Variants in RGS7 observed in about 807,000 individuals in gnomAD.
RGS7 encodes regulator of G-protein signaling 7.
A neutral mutation model predicts 81.1 loss-of-function variants in RGS7; 27 were observed. That is an observed-to-expected ratio of 0.33 (90% confidence interval 0.25 to 0.46). The LOEUF is 0.46. Among genes scored for constraint, RGS7 ranks in the 20% least tolerant of loss-of-function variants. The pLI is 1.00. For synonymous variants in RGS7, 208 were observed against 207.7 expected, an observed-to-expected ratio of 1.00 and a Z score of -0.01; for missense variants, 396 against 607.4, an observed-to-expected ratio of 0.65 and a Z score of 3.66.
chr1:241,124,268 G>A (rs1250658364), intron 2 of RGS7, among the ~76,000 whole-genome samples: 1 of 143,976 alleles, frequency 6.9e-6, no homozygotes, highest in Non-Finnish European at 1.5e-5. Flanking sequence ...AGTGCTGCAC[G>A]CCTATAGTCC....
chr1:240,952,692 T>G (rs1372158022), intron 4 of RGS7, among the ~76,000 whole-genome samples: 1 of 151,922 alleles, frequency 6.6e-6, no homozygotes, highest in Non-Finnish European at 1.5e-5. Context: ...AATCCACATA[T>G]ATCAATAATC....
intron 9 of RGS7, among the ~76,000 whole-genome samples, chr1:240,864,793 A>C (rs894831755): frequency 1.8e-4 from 27 of 152,170 alleles, no homozygotes; most frequent in African/African-American, 6.3e-4. Flanking sequence ...TGGAGGAAAA[A>C]AGAGATGGCT....
At chr1:240,799,250 GGTTTGTGTGTGTGTGT>G (rs1298256209) in intron 18 of RGS7, among the ~76,000 whole-genome samples, 1 of 137,092 alleles carries the variant, frequency 7.3e-6, no homozygotes, top group East Asian at 2.0e-4. Flanking sequence ...TTATTATTAT[GGTTTGTGTGTGTGTGT>G]GTGTGTGTGT....
In RGS7 at chr1:241,068,238, G is replaced by GTGTGTGTA; in HGVS notation, c.175+30427_175+30428insTACACACA. 2.0e-3 allele frequency among the ~76,000 whole-genome samples: 71 copies of GTGTGTGTA among 35,690 alleles called. 5 individuals are homozygous for GTGTGTGTA. The highest frequency in any genetic ancestry group is 4.3e-3 in the South Asian group (3 of 692). The allele number at this position is 35,690 out of a possible 152,430, so 23.4% of individuals were successfully genotyped here. On this transcript the variant is annotated intron_variant, in intron 3 of 18. Coordinates refer to ENST00000440928, the MANE Select transcript of RGS7 (RefSeq NM_001364886.1). ...CTATCCATAAATTGTGTGTGTGTGT[G>GTGTGTGTA]TATATATATATATATATATAAAATA... is the stretch of plus-strand genomic sequence containing the variant.
chr1:241,076,717 C>T (rs1373710572), intron 3 of RGS7, among the ~76,000 whole-genome samples: 1 of 152,168 alleles, frequency 6.6e-6, no homozygotes, highest in East Asian at 1.9e-4. Flanking sequence ...ATCACCGGTG[C>T]ACCCAATGGC....
chr1:241,171,781 C>A (rs1044804576), intron 2 of RGS7, among the ~76,000 whole-genome samples: 11 of 152,212 alleles, frequency 7.2e-5, no homozygotes, highest in Non-Finnish European at 1.5e-4. Context: ...ATGTTCCTCA[C>A]ATAACCAGAT....
chr1:240,872,198 CAAAT>C (rs1229029775), intron 6 of RGS7, among the ~76,000 whole-genome samples: 2 of 152,150 alleles, frequency 1.3e-5, no homozygotes. Context: ...AGTGAATTAA[CAAAT>C]GAATGAATAG....
chr1:241,151,293 G>A (rs1254727249), intron 2 of RGS7, among the ~76,000 whole-genome samples: 1 of 152,190 alleles, frequency 6.6e-6, no homozygotes, highest in Non-Finnish European at 1.5e-5. Context: ...CGGATACGCA[G>A]TTCTGATTGT....
At chr1:241,344,454 T>C (rs2082763797) in intron 2 of RGS7, among the ~76,000 whole-genome samples, 1 of 152,216 alleles carries the variant, frequency 6.6e-6, no homozygotes, top group African/African-American at 2.4e-5. Flanking sequence ...AGAACTGTTA[T>C]TTATACAAGC....
At chr1:241,155,663 T>TTAAG (rs1395091086) in intron 2 of RGS7, among the ~76,000 whole-genome samples, 1 of 151,210 alleles carries the variant, frequency 6.6e-6, no homozygotes, top group Non-Finnish European at 1.5e-5. Context: ...TTGTCAAAGG[T>TTAAG]TAAGTATGTT....
intron 18 of RGS7, among the ~76,000 whole-genome samples, chr1:240,788,555 A>G (rs1465913485): frequency 4.6e-5 from 7 of 152,238 alleles, no homozygotes; most frequent in Non-Finnish European, 7.3e-5. Flanking sequence ...TGACTTACGT[A>G]GACTTTCTGA....
At chr1:241,161,215 C>A (rs1238165695) in intron 2 of RGS7, among the ~76,000 whole-genome samples, 2 of 151,988 alleles carry the variant, frequency 1.3e-5, no homozygotes, top group Non-Finnish European at 2.9e-5. Context: ...GGAGAAAGGG[C>A]CATAGTGATG....
At chr1:241,226,108 G>A (rs1197404010) in intron 2 of RGS7, among the ~76,000 whole-genome samples, 1 of 152,020 alleles carries the variant, frequency 6.6e-6, no homozygotes, top group Non-Finnish European at 1.5e-5. Context: ...GAGCACCCAA[G>A]TTCATAAAAA....
At chr1:240,949,181 C>T (rs990206839) in intron 4 of RGS7, among the ~76,000 whole-genome samples, 2 of 152,082 alleles carry the variant, frequency 1.3e-5, no homozygotes, top group African/African-American at 4.8e-5. Context: ...TAAAAATGCT[C>T]TCTTTTCTTA....
chr1:240,863,195 C>T (rs1237157372), intron 9 of RGS7, among the ~76,000 whole-genome samples: 10 of 152,022 alleles, frequency 6.6e-5, no homozygotes, highest in South Asian at 2.1e-4. Context: ...AATTTTAGGC[C>T]GGGCACGGTG....
At chr1:240,982,298 C>T (rs1393090924) in intron 4 of RGS7, among the ~76,000 whole-genome samples, 1 of 151,556 alleles carries the variant, frequency 6.6e-6, no homozygotes, top group African/African-American at 2.4e-5. Flanking sequence ...GGCACGCGCC[C>T]ATAATCCCAG....
intron 2 of RGS7, among the ~76,000 whole-genome samples, chr1:241,266,126 T>C (rs2077581299): frequency 6.6e-6 from 1 of 152,116 alleles, no homozygotes; most frequent in Admixed American, 6.5e-5. Flanking sequence ...ACAGACTTGT[T>C]TCCAGAGGCT....
chr1:240,878,731 C>G (rs1660611539), intron 6 of RGS7, among the ~76,000 whole-genome samples: 1 of 152,020 alleles, frequency 6.6e-6, no homozygotes. Flanking sequence ...TATACACACA[C>G]ACACACAGAG....
chr1:241,265,538 C>A (rs1297836180), intron 2 of RGS7, among the ~76,000 whole-genome samples: 7 of 152,178 alleles, frequency 4.6e-5, no homozygotes, highest in Non-Finnish European at 8.8e-5. Context: ...CAGGATGCAG[C>A]CTCCAGGCAA....
Sources: allele counts gnomAD v4.1 joint callset (sites outside exome capture counted in the v4.1 genomes callset), GRCh38; gene constraint gnomAD v4.1.1; transcripts MANE v1.5; gene names NCBI Gene and HGNC (gene_info 2026-07-23, HGNC 2026-07-21).